Variants in CSNK1A1 observed in about 807,000 individuals in gnomAD.
The protein encoded by CSNK1A1 is casein kinase 1 alpha 1.
Under a neutral mutation model 46.1 loss-of-function variants are expected in CSNK1A1, and 7 were observed. The observed-to-expected ratio is 0.15, with a 90% CI of 0.09 to 0.29. The LOEUF (loss-of-function observed/expected upper bound fraction) is 0.29, where lower values mean the gene tolerates loss of function less well. Among genes scored for constraint, CSNK1A1 ranks in the 10% least tolerant of loss-of-function variants. The pLI, the probability that CSNK1A1 is intolerant of heterozygous loss-of-function variation, is 1.00. For missense variants in CSNK1A1, 96 were observed against 417.1 expected, an observed-to-expected ratio of 0.23 and a Z score of 6.71; for synonymous variants, 137 against 141.5, an observed-to-expected ratio of 0.97 and a Z score of 0.23.
In CSNK1A1 at chr5:149,495,229, GAAAAC is replaced by G. The variant is rs1336752533; in HGVS notation, c.*1619_*1623del. ...GTTTTCAAATAAAAAAAAGAAAAAA[GAAAAC>G]AAAACAAATTAAACTTGACACAATC... On this transcript the variant is annotated 3_prime_UTR_variant, in exon 10 of 10. Transcript: ENST00000377843. 1 of 151,976 alleles carries G rather than the reference GAAAAC, an allele frequency of 6.6e-6. No individual in the cohort carries two copies. Among genetic ancestry groups the G allele is most frequent in the African/African-American group, 2.4e-5 (1 of 41,366 alleles). The allele number at this position is 151,976 out of a possible 1,614,324, so 9.4% of individuals were successfully genotyped here. A position where few individuals can be genotyped will look rare whatever the true frequency, so the allele number is the denominator to read the frequency against.
chr5:149,513,281 G>C, intron 4 of CSNK1A1, 72 bp from the exon 5 acceptor site: 4 of 1,382,194 alleles, frequency 2.9e-6, no homozygotes, highest in Non-Finnish European at 2.0e-6. Context: ...TTCATTAAAT[G>C]GTATCTATTC....
intron 2 of CSNK1A1, among the ~76,000 whole-genome samples, chr5:149,542,613 T>TAC (rs1762286040): frequency 1.8e-4 from 2 of 11,246 alleles, no homozygotes; most frequent in African/African-American, 7.1e-4. Context: ...TATATATATA[T>TAC]ATATATATAT....
chr5:149,529,106 C>G (rs933398078), intron 2 of CSNK1A1, among the ~76,000 whole-genome samples: 1 of 151,730 alleles, frequency 6.6e-6, no homozygotes, highest in Non-Finnish European at 1.5e-5. Flanking sequence ...TCCTAAGTTA[C>G]GAAACATTAA....
At chr5:149,510,472 TTTTG>T (rs1011819061) in intron 6 of CSNK1A1, among the ~76,000 whole-genome samples, 20 of 151,952 alleles carry the variant, frequency 1.3e-4, no homozygotes, top group South Asian at 6.2e-4. Flanking sequence ...TTCTTTGTTT[TTTTG>T]TTTGTTTGTT....
chr5:149,504,846 T>C (rs2113065515), intron 9 of CSNK1A1: 1 of 985,436 alleles, frequency 1.0e-6, no homozygotes, highest in Non-Finnish European at 1.2e-6. Context: ...CTAGAAAAGA[T>C]GTGCTGAGCT....
At chr5:149,507,477 T>TA (rs1561753657) in intron 7 of CSNK1A1, among the ~76,000 whole-genome samples, 2 of 151,848 alleles carry the variant, frequency 1.3e-5, no homozygotes, top group Non-Finnish European at 2.9e-5. Context: ...TTTTTTTTTT[T>TA]AAAGACAGGG....
chr5:149,546,968 G>GT (rs925962319), intron 2 of CSNK1A1, among the ~76,000 whole-genome samples: 27 of 149,014 alleles, frequency 1.8e-4, no homozygotes, highest in African/African-American at 2.2e-4. Flanking sequence ...AGTGGAAACA[G>GT]TTTTTTTTTT....
chr5:149,516,235 T>C (rs1436886525), intron 4 of CSNK1A1, among the ~76,000 whole-genome samples: 1 of 152,068 alleles, frequency 6.6e-6, no homozygotes, highest in Non-Finnish European at 1.5e-5. Context: ...CAGAATTGCT[T>C]GAACCTGGGA....
rs1761704677 is a variant in CSNK1A1, at chr5:149,525,580, T to C, written c.231-409A>G. On this transcript the variant is annotated intron_variant, in intron 2 of 9. Transcript: ENST00000377843. The surrounding 1 kb of genome is among the most constrained non-coding windows in gnomAD (Gnocchi z 4.2). ...TGTTTCAGAAAGCAAAGATTTCTTTTATCTGAACTTCGATTCCAGTTCCTA... is the reference window on the plus strand; with the variant it reads ...TGTTTCAGAAAGCAAAGATTTCTTTCATCTGAACTTCGATTCCAGTTCCTA... Among the ~76,000 whole-genome samples the C allele has an allele frequency of 6.6e-6, 1 of 152,212 alleles. No homozygotes were observed. Among genetic ancestry groups the C allele is most frequent in the South Asian group, 2.1e-4 (1 of 4,836 alleles).
chr5:149,518,441 T>G (rs1349033978), intron 4 of CSNK1A1, among the ~76,000 whole-genome samples: 1 of 152,120 alleles, frequency 6.6e-6, no homozygotes, highest in African/African-American at 2.4e-5. Flanking sequence ...CAAAACCTTT[T>G]TTTCCCCATG....
In CSNK1A1 at chr5:149,493,777, CAT is replaced by C. The variant is rs1760584541; in HGVS notation, c.*3074_*3075del. The C allele has an allele frequency of 1.3e-5, 2 of 152,348 alleles. No individual in the cohort carries two copies. Among genetic ancestry groups the C allele is most frequent in the African/African-American group, 4.8e-5 (2 of 41,570 alleles). 9.4% of individuals were successfully genotyped at this position (152,348 alleles called of 1,614,324 possible). A position where few individuals can be genotyped will look rare whatever the true frequency, so the allele number is the denominator to read the frequency against. ...AAGAGAGCAGCACACCCAGGACACA[CAT>C]ATTGATCTGCTGACACCACTTCTTT... On this transcript the variant is annotated 3_prime_UTR_variant, in exon 10 of 10. Transcript: ENST00000377843.
At chr5:149,522,053 AATT>A (rs1761587822) in intron 3 of CSNK1A1, among the ~76,000 whole-genome samples, 1 of 152,030 alleles carries the variant, frequency 6.6e-6, no homozygotes, top group African/African-American at 2.4e-5. Context: ...AACAAATTTA[AATT>A]ATTTTTTATT....
chr5:149,547,425 T>C (rs1762517168), intron 2 of CSNK1A1, among the ~76,000 whole-genome samples: 1 of 152,236 alleles, frequency 6.6e-6, no homozygotes, highest in Non-Finnish European at 1.5e-5. Context: ...TGTACTTGGG[T>C]TTAGCACTGA....
intron 3 of CSNK1A1, among the ~76,000 whole-genome samples, chr5:149,523,381 C>G (rs908960256): frequency 2.0e-5 from 3 of 150,238 alleles, no homozygotes; most frequent in Non-Finnish European, 3.0e-5. Context: ...GGGGTCTTTG[C>G]TCTATTGCTC....
At chr5:149,509,120 T>C (rs1275300026) in intron 7 of CSNK1A1, among the ~76,000 whole-genome samples, 1 of 152,078 alleles carries the variant, frequency 6.6e-6, no homozygotes, top group Non-Finnish European at 1.5e-5. Flanking sequence ...CGATGGGGTT[T>C]CACCATGTTG....
At chr5:149,506,998 T>C (rs756394368) in intron 8 of CSNK1A1, 29 bp downstream of exon 8, 5 of 1,557,646 alleles carry the variant, frequency 3.2e-6, no homozygotes, top group Non-Finnish European at 4.4e-6. Flanking sequence ...TCACAGAGTT[T>C]ATAATCTTAA....
At chr5:149,507,218 A>G in intron 7 of CSNK1A1, 85 bp from the exon 8 acceptor site, 1 of 1,024,918 alleles carries the variant, frequency 9.8e-7, no homozygotes, top group Non-Finnish European at 1.4e-6. Context: ...GCAAAAAGAT[A>G]TTTTTGGGCG....
intron 3 of CSNK1A1, among the ~76,000 whole-genome samples, chr5:149,521,270 CTTT>C (rs909460651): frequency 1.2e-4 from 15 of 123,936 alleles, no homozygotes; most frequent in East Asian, 1.2e-3. Context: ...ATTTACTCTT[CTTT>C]TTTTTTTTTT....
chr5:149,534,876 C>T (rs1353377213), intron 2 of CSNK1A1, among the ~76,000 whole-genome samples: 1 of 145,678 alleles, frequency 6.9e-6, no homozygotes, highest in African/African-American at 2.6e-5. Context: ...CACTGTACTC[C>T]ATCCTGGGTG....
Sources: allele counts gnomAD v4.1 joint callset (sites outside exome capture counted in the v4.1 genomes callset), GRCh38; gene constraint gnomAD v4.1.1; non-coding constraint Gnocchi (gnomAD v3.1); transcripts MANE v1.5; gene names NCBI Gene and HGNC (gene_info 2026-07-23, HGNC 2026-07-21).